The following CCDC88C variants were observed in gnomAD, a reference collection of about 807,000 sequenced individuals.
CCDC88C encodes protein Daple.
In CCDC88C, 131 loss-of-function variants were observed where a neutral mutation model predicts 198.8. The observed-to-expected ratio is 0.66, with a 90% confidence interval of 0.57 to 0.76. CCDC88C has a LOEUF of 0.76. Ranked by LOEUF, CCDC88C falls within the 30% of genes least tolerant of loss-of-function variation. The probability of loss-of-function intolerance (pLI) is 0.00; values close to 1 mark genes in which losing one functional copy is unlikely to be tolerated. For synonymous variants in CCDC88C, 1,166 were observed against 1,114.7 expected, an observed-to-expected ratio of 1.05 and a Z score of -0.92; for missense variants, 2,553 against 2,631.6, an observed-to-expected ratio of 0.97 and a Z score of 0.65.
chr14:91,310,279 A>G (rs1891761121), intron 15 of CCDC88C, among the ~76,000 whole-genome samples: 2 of 152,024 alleles, frequency 1.3e-5, no homozygotes, highest in Admixed American at 6.6e-5. Context: ...TTGACCTTTA[A>G]GTAGTATGTT....
intron 10 of CCDC88C, among the ~76,000 whole-genome samples, chr14:91,331,233 G>A (rs1010214391): frequency 9.9e-5 from 15 of 152,160 alleles, no homozygotes; most frequent in East Asian, 1.9e-4. Context: ...GGAGAGAATC[G>A]GAGGAAAGTG....
chr14:91,409,495 T>A (rs573518684), intron 2 of CCDC88C, among the ~76,000 whole-genome samples: 2 of 151,072 alleles, frequency 1.3e-5, no homozygotes, highest in African/African-American at 4.9e-5. Context: ...CATTTCTTTT[T>A]TTTTTTTTTT....
intron 10 of CCDC88C, among the ~76,000 whole-genome samples, chr14:91,336,087 G>C (rs1009413582): frequency 6.6e-6 from 1 of 152,100 alleles, no homozygotes; most frequent in African/African-American, 2.4e-5. Flanking sequence ...CGAAATCTAA[G>C]GCATTATAAA....
intron 21 of CCDC88C, 135 bp downstream of exon 21, chr14:91,299,792 C>T: frequency 8.2e-7 from 1 of 1,220,096 alleles, no homozygotes; most frequent in Non-Finnish European, 1.1e-6. Context: ...ATTTTACCCA[C>T]CCAGCTGTTC....
chr14:91,297,322 G>C lies in CCDC88C; in HGVS notation c.3949C>G (p.Leu1317Val), dbSNP rs1295333843. 4 of 1,613,224 alleles carry C rather than the reference G, an allele frequency of 2.5e-6. No individual in the cohort carries two copies. The highest frequency in any genetic ancestry group is 3.4e-6 in the Non-Finnish European group (4 of 1,179,662). Residue 1317 changes from leucine (L) to valine (V), a missense_variant, in exon 22 of 30, where the codon CTG (leucine) becomes GTG (valine). Physicochemically the swap from Leu to Val is conservative, Grantham distance 32. Transcript: ENST00000389857. ...HQTMDISLTK[L>V]DNHCELLSRL... is the part of the protein sequence containing the mutation. ...GGCCTCACCTCACAGTGGTTGTCCAGCTTGGTCAGCGAGATGTCCATGGTC... is the reference window on the plus strand; with the variant it reads ...GGCCTCACCTCACAGTGGTTGTCCACCTTGGTCAGCGAGATGTCCATGGTC...
intron 21 of CCDC88C, among the ~76,000 whole-genome samples, chr14:91,298,734 A>G (rs905702267): frequency 3.9e-5 from 6 of 152,144 alleles, no homozygotes; most frequent in African/African-American, 1.4e-4. Flanking sequence ...TCTGTGGTCT[A>G]TGTCTGGTAC....
intron 16 of CCDC88C, among the ~76,000 whole-genome samples, chr14:91,309,349 T>A (rs1461579761): frequency 6.6e-6 from 1 of 152,166 alleles, no homozygotes; most frequent in African/African-American, 2.4e-5. Flanking sequence ...ACACCTGTAA[T>A]CCCAGCATTT....
At chr14:91,382,735 G>T (rs1379836294) in intron 3 of CCDC88C, among the ~76,000 whole-genome samples, 1 of 152,182 alleles carries the variant, frequency 6.6e-6, no homozygotes, top group East Asian at 1.9e-4. Flanking sequence ...GGACGACCTT[G>T]TCTGCTTGGA....
In CCDC88C at chr14:91,339,755, A is replaced by G; in HGVS notation, c.624+129T>C. 8.6e-7 allele frequency: 1 copy of G among 1,159,878 alleles called. No individual in the cohort carries two copies. Among genetic ancestry groups the G allele is most frequent in the South Asian group, 1.6e-5 (1 of 61,922 alleles). The allele number at this position is 1,159,878 out of a possible 1,614,324, so 71.8% of individuals were successfully genotyped here. A position where few individuals can be genotyped will look rare whatever the true frequency, so the allele number is the denominator to read the frequency against. On this transcript the variant is annotated intron_variant, in intron 7 of 29. Transcript: ENST00000389857. The surrounding 1 kb of genome is among the most constrained non-coding windows in gnomAD (Gnocchi z 5.8). ...TGCAGGGGCCGTAACCAGGGAAAGCACGCACGTCCCACCCCCACCAGAACC... is the reference window on the plus strand; with the variant it reads ...TGCAGGGGCCGTAACCAGGGAAAGCGCGCACGTCCCACCCCCACCAGAACC...
Position 91,408,754 on chromosome 14 carries a change from T to C in CCDC88C, c.175A>G (p.Thr59Ala), listed in dbSNP as rs2140013716. ...ACGTGCTTATTGATGCGTTGATTTG[T>C]GGGCCTGGGATCTCTAGGGGAAGAA... The part of the protein sequence containing the change: ...QIMLQIDPRP[T>A]NQRINKHVNN... The change falls in exon 3 of 30, where the codon ACA (threonine) becomes GCA (alanine). Residue 59 changes from threonine to alanine, a missense_variant. By Grantham distance (58) the Thr-to-Ala change is moderately conservative. Transcript: ENST00000389857. 1.2e-6 allele frequency: 2 copies of C among 1,613,112 alleles called. No individual in the cohort carries two copies. The highest frequency in any genetic ancestry group is 1.7e-6 in the Non-Finnish European group (2 of 1,179,080).
In CCDC88C at chr14:91,271,974, G is replaced by A. The variant is rs900091719; in HGVS notation, c.*651C>T. ...CCAAACCCCCTGGTGCAGAGCTCAG[G>A]AGCCAGCTGGAGGCTGGGGGCAAAT... On this transcript the variant is annotated 3_prime_UTR_variant, in exon 30 of 30. Coordinates refer to ENST00000389857, the MANE Select transcript of CCDC88C (RefSeq NM_001080414.4). 1 of 152,804 alleles carries A rather than the reference G, an allele frequency of 6.5e-6. No individual in the cohort carries two copies. Among genetic ancestry groups the A allele is most frequent in the Non-Finnish European group, 1.5e-5 (1 of 68,146 alleles). The allele number at this position is 152,804 out of a possible 1,614,324, so 9.5% of individuals were successfully genotyped here. A position where few individuals can be genotyped will look rare whatever the true frequency, so the allele number is the denominator to read the frequency against.
intron 4 of CCDC88C, among the ~76,000 whole-genome samples, chr14:91,344,759 A>G: frequency 6.6e-6 from 1 of 150,522 alleles, no homozygotes; most frequent in East Asian, 1.9e-4. Flanking sequence ...TCAGCCTCCC[A>G]AAGTGCTGGG....
At chr14:91,386,557 C>T (rs1366971043) in intron 3 of CCDC88C, among the ~76,000 whole-genome samples, 2 of 152,228 alleles carry the variant, frequency 1.3e-5, no homozygotes, top group South Asian at 2.1e-4. Flanking sequence ...ACACCTGCCA[C>T]GGTGGCCATA....
At chr14:91,363,144 A>G (rs1041947872) in intron 3 of CCDC88C, among the ~76,000 whole-genome samples, 7 of 152,216 alleles carry the variant, frequency 4.6e-5, no homozygotes, top group Non-Finnish European at 7.3e-5. Context: ...ATTGAGACAC[A>G]TTAATTTCAA....
In CCDC88C at chr14:91,297,379, C is replaced by T; in HGVS notation, c.3892G>A (p.Ala1298Thr). ...TGCTCCTTCAGCTCGTCGAAGCGGG[C>T]CTGCCAGCGGTTGAGCTCCAGCTGC... ...NAQLELNRWQ[A>T]RFDELKEQHQ... is the part of the protein sequence containing the mutation. The change falls in exon 22 of 30, where the codon GCC becomes ACC. Residue 1298 changes from alanine to threonine, a missense_variant. Coordinates refer to ENST00000389857, the MANE Select transcript of CCDC88C (RefSeq NM_001080414.4). The T allele has an allele frequency of 6.2e-7, 1 of 1,613,458 alleles. No homozygotes were observed. Among genetic ancestry groups the T allele is most frequent in the Non-Finnish European group, 8.5e-7 (1 of 1,179,682 alleles).
At chr14:91,369,501 C>A (rs1032678966) in intron 3 of CCDC88C, among the ~76,000 whole-genome samples, 1 of 152,152 alleles carries the variant, frequency 6.6e-6, no homozygotes, top group Admixed American at 6.5e-5. Context: ...CCACCATGCC[C>A]GGCCAATTTT....
chr14:91,404,082 G>T (rs1187633945), intron 3 of CCDC88C, among the ~76,000 whole-genome samples: 1 of 152,252 alleles, frequency 6.6e-6, no homozygotes, highest in Non-Finnish European at 1.5e-5. Context: ...CCTCCAGGCT[G>T]CTCAGCAGAT....
At chr14:91,310,696 C>T (rs1891780399) in intron 15 of CCDC88C, among the ~76,000 whole-genome samples, 1 of 152,170 alleles carries the variant, frequency 6.6e-6, no homozygotes, top group African/African-American at 2.4e-5. Flanking sequence ...AGGCGCGAGC[C>T]ACTGCACCCG....
chr14:91,365,067 G>A (rs1167800193), intron 3 of CCDC88C, among the ~76,000 whole-genome samples: 1 of 152,150 alleles, frequency 6.6e-6, no homozygotes, highest in Non-Finnish European at 1.5e-5. Context: ...CAGCGTCCAG[G>A]CCAATGCTGT....
Sources: gnomAD v4.1 joint callset for allele counts (sites outside exome capture counted in the v4.1 genomes callset) on GRCh38, gnomAD v4.1.1 for gene constraint, Gnocchi (gnomAD v3.1) non-coding constraint, MANE v1.5 for transcripts, NCBI Gene and HGNC (gene_info 2026-07-23, HGNC 2026-07-21) for gene names.